Variants in NDUFB11 observed in about 807,000 individuals in gnomAD.
NDUFB11 encodes the protein NADH:ubiquinone oxidoreductase subunit B11, also known as NADH dehydrogenase [ubiquinone] 1 beta subcomplex subunit 11, mitochondrial.
For missense variants in NDUFB11, 108 were observed against 133.8 expected (o/e 0.81, Z 0.95); for synonymous variants, 51 against 57.4 (o/e 0.89, Z 0.51).
Position 47,144,322 on chromosome X carries a change from T to C in NDUFB11, c.207+151A>G. On this transcript the variant is annotated intron_variant, in intron 1 of 2. Transcript: ENST00000377811. ...CGAGAGACAAAGGAGGAACACAAGG[T>C]AGGCAAAATTCCCAAGTCTTCTAGG... 2 of 380,720 alleles carry C rather than the reference T, an allele frequency of 5.3e-6. 1 individual carries two copies. Among genetic ancestry groups the C allele is most frequent in the Non-Finnish European group, 8.4e-6 (2 of 239,150 alleles). The allele number at this position is 380,720 out of a possible 1,213,427, so 31.4% of individuals were successfully genotyped here. A position where few individuals can be genotyped will look rare whatever the true frequency, so the allele number is the denominator to read the frequency against.
Position 47,142,660 on chromosome X carries a change from T to C in NDUFB11, c.292A>G (p.Ile98Val). The C allele has an allele frequency of 1.7e-6, 2 of 1,211,882 alleles. No homozygotes were observed. The highest frequency in any genetic ancestry group is 3.5e-5 in the African/African-American group (2 of 57,790). Residue 98 changes from isoleucine to valine, a missense_variant, in exon 2 of 3, where the codon ATC becomes GTC. Coordinates refer to ENST00000377811, the MANE Select transcript of NDUFB11 (RefSeq NM_001135998.3). Reference protein sequence around the residue: ...RLVFFFGVSIILVLGSTFVAY... With the variant: ...RLVFFFGVSIVLVLGSTFVAY... The stretch of plus-strand genomic sequence containing the variant: ...ACAAAGGTGCTGCCAAGGACCAGGA[T>C]GATGGAGACGCCAAAGAAGAAGACA...
chrX:47,142,639 A>G lies in NDUFB11; in HGVS notation c.313T>C (p.Phe105Leu). The change falls in exon 2 of 3, where the codon TTT becomes CTT. Residue 105 changes from phenylalanine to leucine, a missense_variant. Physicochemically the swap from Phe to Leu is conservative, Grantham distance 22 (BLOSUM62 0). Coordinates refer to ENST00000377811, the MANE Select transcript of NDUFB11 (RefSeq NM_001135998.3). ...CTGTAGTCAGGCAGATAGGCCACAA[A>G]GGTGCTGCCAAGGACCAGGATGATG... is the stretch of plus-strand genomic sequence containing the variant. ...VSIILVLGSTFVAYLPDYRMK... is the reference protein window; with the variant it reads ...VSIILVLGSTLVAYLPDYRMK... The G allele has an allele frequency of 8.3e-7, 1 of 1,211,984 alleles. No homozygotes were observed.
chrX:47,143,891 T>G (rs1931866002), intron 1 of NDUFB11, among the ~76,000 whole-genome samples: 2 of 112,119 alleles, frequency 1.8e-5, no homozygotes, highest in African/African-American at 3.2e-5. Flanking sequence ...CCACTTAACA[T>G]CTCTGTGCCT....
intron 1 of NDUFB11, 116 bp from the exon 2 acceptor site, chrX:47,142,860 T>G: frequency 1.1e-6 from 1 of 869,994 alleles, no homozygotes. Context: ...TTTCCATTCT[T>G]GGGATATGTC....
rs2147049461 is a variant in NDUFB11 at position 47,142,363 on chromosome X, G to A, written c.416C>T (p.Ser139Phe). The change falls in exon 3 of 3, where the codon TCC becomes TTC. Residue 139 changes from serine (S) to phenylalanine (F), a missense_variant. Coordinates refer to ENST00000377811, the MANE Select transcript of NDUFB11 (RefSeq NM_001135998.3). Reference sequence around the variant, plus strand: ...GATCTTGCTGGGGTCGAAGCAGTTGGATTCCATGATGGGAAGGCCATTGGC... The same window carrying A: ...GATCTTGCTGGGGTCGAAGCAGTTGAATTCCATGATGGGAAGGCCATTGGC... The part of the protein sequence containing the change: ...REANGLPIME[S>F]NCFDPSKIQL... 2 of 1,211,418 alleles carry A rather than the reference G, an allele frequency of 1.7e-6. No homozygotes were observed. Among genetic ancestry groups the A allele is most frequent in the Non-Finnish European group, 2.2e-6 (2 of 895,390 alleles).
chrX:47,144,707 G>T, upstream of NDUFB11: 1 of 1,112,981 alleles, frequency 9.0e-7, no homozygotes, highest in South Asian at 2.1e-5. Context: ...GGTCTCAGGG[G>T]CGGGGAAAGA....
rs1407608358 is a variant in NDUFB11 at position 47,144,673 on chromosome X, C to T, written c.7G>A (p.Ala3Thr). 2.6e-6 allele frequency: 3 copies of T among 1,157,090 alleles called. No individual in the cohort carries two copies. The highest frequency in any genetic ancestry group is 3.5e-6 in the Non-Finnish European group (3 of 866,641). MAAGLFGLSARRL... is the reference protein window; with the variant it reads MATGLFGLSARRL... Reference sequence around the variant, plus strand: ...CGAGCGCTCAAACCAAACAGCCCAGCCGCCATGACAGATGGTGCTGCAGGG... The same window carrying T: ...CGAGCGCTCAAACCAAACAGCCCAGTCGCCATGACAGATGGTGCTGCAGGG... Residue 3 changes from alanine to threonine, a missense_variant, in exon 1 of 3, where the codon GCT (alanine) becomes ACT (threonine). By Grantham distance (58) the Ala-to-Thr change is moderately conservative. Coordinates refer to ENST00000377811, the MANE Select transcript of NDUFB11 (RefSeq NM_001135998.3).
In NDUFB11 at chrX:47,142,407, C is replaced by T. The variant is rs1366618422; in HGVS notation, c.372G>A (p.Arg124=). 8.3e-7 allele frequency: 1 copy of T among 1,210,059 alleles called. No homozygotes were observed. Among genetic ancestry groups the T allele is most frequent in the Non-Finnish European group, 1.1e-6 (1 of 895,256 alleles). Residue 124 remains arginine, a synonymous_variant, in exon 3 of 3, where the codon AGG becomes AGA. Transcript: ENST00000377811. ...CATTGGCCTCTCGGTATTTCACAAG[C>T]CTCTCAGCTTCGCGGCGGGACCACT... The part of the protein sequence containing the change: ...MKEWSRREAE[R]LVKYREANGL...
chrX:47,145,475 G>T, upstream of NDUFB11: 1 of 1,154,305 alleles, frequency 8.7e-7, no homozygotes, highest in Non-Finnish European at 1.1e-6. Flanking sequence ...TTGACAGCCC[G>T]GGCCGAGAAG....
At chrX:47,143,503 T>C (rs1931842361) in intron 1 of NDUFB11, among the ~76,000 whole-genome samples, 2 of 112,308 alleles carry the variant, frequency 1.8e-5, no homozygotes, top group South Asian at 7.3e-4. Flanking sequence ...AAGTACTTAT[T>C]ATGTGCCAGT....
intron 1 of NDUFB11, 146 bp from the exon 2 acceptor site, chrX:47,142,890 G>A: frequency 3.2e-6 from 2 of 630,816 alleles, no homozygotes; most frequent in Non-Finnish European, 4.7e-6. Context: ...CCCACTGCAG[G>A]GCCACTGCAC....
chrX:47,145,349 C>T, upstream of NDUFB11: 1 of 943,854 alleles, frequency 1.1e-6, no homozygotes. Context: ...GCGCTTCTCC[C>T]CTCCCCCCGA....
At chrX:47,144,445 T>TTGGG in intron 1 of NDUFB11, 28 bp downstream of exon 1, 1 of 61,004 alleles carries the variant, frequency 1.6e-5, no homozygotes, top group Non-Finnish European at 2.6e-5. Flanking sequence ...CCGTCCCCAC[T>TTGGG]ACCCCCCCCC....
At chrX:47,142,830 C>T (rs898018222) in intron 1 of NDUFB11, 86 bp from the exon 2 acceptor site, 18 of 1,009,967 alleles carry the variant, frequency 1.8e-5, no homozygotes, top group Non-Finnish European at 2.2e-5. Flanking sequence ...TCCATGTGCC[C>T]CTCTCACTAA....
At chrX:47,145,026 T>A, upstream of NDUFB11, 1 of 302,803 alleles carries the variant, frequency 3.3e-6, no homozygotes, top group Non-Finnish European at 5.8e-6. Context: ...TCCGCTAGTC[T>A]TTCATCTTCA....
upstream of NDUFB11, chrX:47,145,143 TTG>T (rs1931996783): frequency 5.2e-6 from 2 of 385,980 alleles, no homozygotes; most frequent in Non-Finnish European, 9.1e-6. Flanking sequence ...TGGCCAGCGC[TTG>T]CCAATCAGAG....
At chrX:47,144,961 A>G, upstream of NDUFB11, 1 of 316,822 alleles carries the variant, frequency 3.2e-6, no homozygotes. Flanking sequence ...GGGTGGATAC[A>G]GTTCCCAGCC....
At chrX:47,142,873 G>T in intron 1 of NDUFB11, 129 bp from the exon 2 acceptor site, 1 of 772,330 alleles carries the variant, frequency 1.3e-6, no homozygotes, top group African/African-American at 2.1e-5. Flanking sequence ...GATATGTCAA[G>T]CTCCTTCCCA....
At chrX:47,145,279 G>T (rs1932007444), upstream of NDUFB11, 3 of 544,644 alleles carry the variant, frequency 5.5e-6, no homozygotes, top group Non-Finnish European at 9.3e-6. Flanking sequence ...TTTTGAGCTG[G>T]TGACTGTGGC....
Sources: allele counts gnomAD v4.1 joint callset (sites outside exome capture counted in the v4.1 genomes callset), GRCh38; gene constraint gnomAD v4.1.1; transcripts MANE v1.5; gene names NCBI Gene and HGNC (gene_info 2026-07-23, HGNC 2026-07-21).